RIPOR2: variants seen among roughly 807,000 people sequenced by gnomAD.
RIPOR2 encodes the protein RHO family interacting cell polarization regulator 2, also known as rho family-interacting cell polarization regulator 2.
In RIPOR2, 39 loss-of-function variants were observed where a neutral mutation model predicts 114.5. The observed-to-expected ratio is 0.34, with a 90% CI of 0.26 to 0.44. The LOEUF (loss-of-function observed/expected upper bound fraction) is 0.44, where lower values mean the gene tolerates loss of function less well. RIPOR2 is among the 20% of genes least tolerant of loss of function. RIPOR2 has a pLI of 1.00. For missense variants in RIPOR2, 1,007 were observed against 1,255.1 expected (o/e 0.80, Z 2.99); for synonymous variants, 445 against 484.4 (o/e 0.92, Z 1.07).
chr6:24,939,354 A>G (rs1355058311), upstream of RIPOR2, among the ~76,000 whole-genome samples: 1 of 152,204 alleles, frequency 6.6e-6, no homozygotes, highest in African/African-American at 2.4e-5. Context: ...GTGGGCTCCT[A>G]AGAGTGGCAA....
chr6:24,825,349 G>T lies in RIPOR2; in HGVS notation c.2745C>A (p.Leu915=), dbSNP rs376314031. 4 of 1,552,038 alleles carry T rather than the reference G, an allele frequency of 2.6e-6. No individual in the cohort carries two copies. Among genetic ancestry groups the T allele is most frequent in the Non-Finnish European group, 3.5e-6 (4 of 1,147,024 alleles). The stretch of plus-strand genomic sequence containing the variant: ...TCCTGAGTACTTCCTGCTGGGCCAG[G>T]AGGTTGCTGGGAGCAAGGTCACTCA... ...QTMSDLAPSN[L]LAQQEVLRTL... Residue 915 remains leucine, a synonymous_variant, in exon 19 of 22, where the codon CTC becomes CTA. Coordinates refer to ENST00000643898, the MANE Select transcript of RIPOR2 (RefSeq NM_001286445.3).
chr6:25,033,853 A>G (rs1474763718), intron 1 of RIPOR2, among the ~76,000 whole-genome samples: 1 of 152,068 alleles, frequency 6.6e-6, no homozygotes, highest in Non-Finnish European at 1.5e-5. Flanking sequence ...TTTTTTTATT[A>G]TTTTATTCTC....
intron 1 of RIPOR2, among the ~76,000 whole-genome samples, chr6:24,949,253 C>T (rs1035830148): frequency 6.6e-6 from 1 of 152,034 alleles, no homozygotes; most frequent in Non-Finnish European, 1.5e-5. Flanking sequence ...GATAGAAACA[C>T]CATAGTTTCA....
intron 1 of RIPOR2, among the ~76,000 whole-genome samples, chr6:24,921,644 A>G (rs1455764633): frequency 1.3e-5 from 2 of 148,740 alleles, no homozygotes; most frequent in African/African-American, 2.5e-5. Context: ...TTCCCATAAC[A>G]CTTATCGCCC....
intron 1 of RIPOR2, among the ~76,000 whole-genome samples, chr6:24,884,465 T>G (rs1035275181): frequency 1.3e-5 from 2 of 152,146 alleles, no homozygotes; most frequent in African/African-American, 4.8e-5. Context: ...TGCTAATATT[T>G]GCTTCTCAGT....
Position 24,973,844 on chromosome 6 carries a change from A to G in RIPOR2, c.76+68007T>C, listed in dbSNP as rs533367069. ...TTATCCTAAGTGAATTAATGTAGGA[A>G]CAGAAAACCAAATACCACATATTCT... On this transcript the variant is annotated intron_variant, in intron 1 of 13. Coordinates refer to the RIPOR2 transcript ENST00000510784. Among the ~76,000 whole-genome samples the G allele has an allele frequency of 2.5e-3, 381 of 152,332 alleles. 4 individuals are homozygous for G. The highest frequency in any genetic ancestry group is 3.1e-3 in the Non-Finnish European group (208 of 68,034).
In RIPOR2 at chr6:25,007,665, C is replaced by T. The variant is rs557955432; in HGVS notation, c.76+34186G>A. On this transcript the variant is annotated intron_variant, in intron 1 of 13. Transcript: ENST00000510784. ...TTCCCCAGACACCTTGCACTCTTGGCCCTTCCTTCCTGCCCTCCCCATCTT... is the reference window on the plus strand; with the variant it reads ...TTCCCCAGACACCTTGCACTCTTGGTCCTTCCTTCCTGCCCTCCCCATCTT... Among the ~76,000 whole-genome samples, 9 of 151,868 alleles carry T rather than the reference C, an allele frequency of 5.9e-5. No homozygotes were observed. In the East Asian group the frequency reaches 1.7e-3, roughly 29 times the overall value.
At chr6:25,022,531 CATTTTTTTTTTTT>C (rs1384935317) in intron 1 of RIPOR2, among the ~76,000 whole-genome samples, 29 of 64,530 alleles carry the variant, frequency 4.5e-4, no homozygotes, top group Non-Finnish European at 7.9e-4. Flanking sequence ...TGGTACCTTC[CATTTTTTTTTTTT>C]TTTTTTTTTT....
At chr6:24,968,724 C>T (rs1402836443) in intron 1 of RIPOR2, among the ~76,000 whole-genome samples, 2 of 152,180 alleles carry the variant, frequency 1.3e-5, no homozygotes, top group Non-Finnish European at 2.9e-5. Context: ...TTGCAGGACC[C>T]TGAGAGTGAG....
intron 20 of RIPOR2, among the ~76,000 whole-genome samples, chr6:24,817,985 T>TTTTTTTTTTTTTTG: frequency 6.8e-6 from 1 of 146,900 alleles, no homozygotes; most frequent in African/African-American, 2.5e-5. Flanking sequence ...TCTCTTTTTT[T>TTTTTTTTTTTTTTG]TTGAGACAGA....
At chr6:24,836,288 G>T (rs1761102201) in intron 14 of RIPOR2, among the ~76,000 whole-genome samples, 1 of 152,124 alleles carries the variant, frequency 6.6e-6, no homozygotes, top group Non-Finnish European at 1.5e-5. Context: ...ATCTGCCAAG[G>T]TTTTTTCCTG....
chr6:24,951,739 T>C (rs551770835), intron 1 of RIPOR2, among the ~76,000 whole-genome samples: 16 of 152,322 alleles, frequency 1.1e-4, no homozygotes, highest in African/African-American at 3.6e-4. Context: ...GAAAAAGAAA[T>C]CCAGACCTTG....
chr6:24,899,375 C>A (rs970768518), intron 1 of RIPOR2, among the ~76,000 whole-genome samples: 1 of 152,104 alleles, frequency 6.6e-6, no homozygotes, highest in Admixed American at 6.5e-5. Flanking sequence ...AGCTATTGTT[C>A]TGGAAATTAT....
intron 19 of RIPOR2, among the ~76,000 whole-genome samples, chr6:24,822,949 C>T (rs1581490235): frequency 1.3e-5 from 2 of 152,296 alleles, no homozygotes; most frequent in African/African-American, 4.8e-5. Context: ...CATTATAAAG[C>T]CAGAAGCCCC....
Position 24,825,301 on chromosome 6 carries a change from T to C in RIPOR2, c.2793A>G (p.Arg931=), listed in dbSNP as rs767834078. The C allele has an allele frequency of 7.7e-5, 119 of 1,551,830 alleles. 1 individual carries two copies. The highest frequency in any genetic ancestry group is 5.7e-4 in the South Asian group (48 of 84,060). ...CAGCCTCACTAACTTCGTTGTCCTCTCTGGTTAATAGCAGAGCCAGAGTCC... is the reference window on the plus strand; with the variant it reads ...CAGCCTCACTAACTTCGTTGTCCTCCCTGGTTAATAGCAGAGCCAGAGTCC... ...VLRTLALLLT[R]EDNEVSEAVT... is the part of the protein sequence containing the mutation. Residue 931 remains arginine, a synonymous_variant, in exon 19 of 22, where the codon AGA becomes AGG. Coordinates refer to ENST00000643898, the MANE Select transcript of RIPOR2 (RefSeq NM_001286445.3).
chr6:24,922,714 G>C (rs1458843235), intron 1 of RIPOR2, among the ~76,000 whole-genome samples: 3 of 151,438 alleles, frequency 2.0e-5, no homozygotes, highest in Admixed American at 2.0e-4. Context: ...ACAAAAATTA[G>C]CCTGGTGTGT....
chr6:24,971,079 G>A (rs384476), intron 1 of RIPOR2, among the ~76,000 whole-genome samples: 77,110 of 152,154 alleles, frequency 0.51, 20,659 homozygotes, highest in East Asian at 0.71. Flanking sequence ...GTTGAACAAG[G>A]TATTAAAAGT....
rs145619624 is a variant in RIPOR2 at position 24,928,394 on chromosome 6, T to G, written c.61+7444A>C. ...ATAAATAGAAAGAAAATTCCCACCA[T>G]AGAAAATGTTTTCATATTTATTCTC... is the stretch of plus-strand genomic sequence containing the variant. On this transcript the variant is annotated intron_variant, in intron 1 of 21. Coordinates refer to ENST00000643898, the MANE Select transcript of RIPOR2 (RefSeq NM_001286445.3). Among the ~76,000 whole-genome samples the G allele has an allele frequency of 3.3e-4, 51 of 152,320 alleles. 1 individual carries two copies. In the East Asian group the frequency reaches 9.6e-3, roughly 29 times the overall value.
intron 1 of RIPOR2, among the ~76,000 whole-genome samples, chr6:24,977,690 G>A (rs938794666): frequency 6.6e-6 from 1 of 152,154 alleles, no homozygotes; most frequent in Non-Finnish European, 1.5e-5. Flanking sequence ...GGTAGCTATG[G>A]TCCTGTTGAA....
Sources: gnomAD v4.1 joint callset for allele counts (sites outside exome capture counted in the v4.1 genomes callset) on GRCh38, gnomAD v4.1.1 for gene constraint, MANE v1.5 for transcripts, NCBI Gene and HGNC (gene_info 2026-07-23, HGNC 2026-07-21) for gene names.